COL6A5: variants seen among roughly 807,000 people sequenced by gnomAD.
The protein encoded by COL6A5 is collagen type VI alpha 5 chain.
COL6A5 carries 48 observed loss-of-function variants against 65.6 expected under a neutral mutation model. The ratio of observed to expected loss-of-function variants is 0.73; its 90% CI spans 0.58 to 0.93. The LOEUF is 0.93. Ranked by LOEUF, COL6A5 falls within the 40% of genes least tolerant of loss-of-function variation. The probability of loss-of-function intolerance (pLI) is 0.00; values close to 1 mark genes in which losing one functional copy is unlikely to be tolerated. For synonymous variants in COL6A5, 291 were observed against 322.8 expected (o/e 0.90, Z 1.05); for missense variants, 914 against 928.3 (o/e 0.98, Z 0.20).
In COL6A5 at chr3:130,376,417, A is replaced by G; in HGVS notation, c.248A>G (p.His83Arg). The stretch of plus-strand genomic sequence containing the variant: ...AGCGACGAGTTTCACAGTGAATTCC[A>G]TCTGAGCACCTTCAAAGGCAGAAGC... Residue 83 changes from histidine to arginine, a missense_variant and NMD_transcript_variant, in exon 3 of 42, where the codon CAT (histidine) becomes CGT (arginine). Coordinates refer to the COL6A5 transcript ENST00000312481. The G allele has an allele frequency of 1.2e-6, 2 of 1,613,404 alleles. No individual in the cohort carries two copies. Among genetic ancestry groups the G allele is most frequent in the Non-Finnish European group, 1.7e-6 (2 of 1,179,580 alleles).
intron 22 of COL6A5, among the ~76,000 whole-genome samples, chr3:130,414,382 T>C (rs2107677711): frequency 6.6e-6 from 1 of 152,248 alleles, no homozygotes; most frequent in East Asian, 1.9e-4. Flanking sequence ...TTATTAGTAA[T>C]AGTGAATGAT....
At chr3:130,354,092 AAAG>A (rs752506834) in intron 1 of COL6A5, among the ~76,000 whole-genome samples, 52 of 149,152 alleles carry the variant, frequency 3.5e-4, no homozygotes, top group African/African-American at 8.0e-4. Context: ...CAAAAAAAGA[AAAG>A]AAGAAAGAGA....
At chr3:130,476,232 G>A (rs1483054556) in intron 7 of COL6A5, among the ~76,000 whole-genome samples, 6 of 152,062 alleles carry the variant, frequency 3.9e-5, no homozygotes, top group Non-Finnish European at 7.4e-5. Flanking sequence ...ATGATAGAAA[G>A]AGGATCTTGG....
intron 1 of COL6A5, among the ~76,000 whole-genome samples, chr3:130,437,759 A>T (rs751477884): frequency 1.8e-4 from 27 of 151,936 alleles, no homozygotes; most frequent in Non-Finnish European, 3.4e-4. Flanking sequence ...GCTATTTCCT[A>T]TGCCAGAAAT....
intron 29 of COL6A5, among the ~76,000 whole-genome samples, chr3:130,425,821 T>C (rs1444094025): frequency 6.6e-6 from 1 of 152,194 alleles, no homozygotes; most frequent in East Asian, 1.9e-4. Context: ...GAATTCCCAA[T>C]AAATTACTCT....
chr3:130,440,906 C>G lies in COL6A5; in HGVS notation c.1241+81C>G, dbSNP rs1240984633. 1.2e-5 allele frequency: 12 copies of G among 1,022,498 alleles called. No individual in the cohort carries two copies. The East Asian group carries it at 2.8e-4, about 24-fold the overall frequency. 63.3% of individuals were successfully genotyped at this position (1,022,498 alleles called of 1,614,324 possible). On this transcript the variant is annotated intron_variant, in intron 3 of 7. Transcript: ENST00000512836. ...CAGTATTGATAACCTATTTTTGTAT[C>G]TATAGCTAATCTAAACATAATTTAT...
Position 130,454,968 on chromosome 3 carries a change from C to A in COL6A5, c.1333-487C>A, listed in dbSNP as rs1399038009. Among the ~76,000 whole-genome samples the A allele has an allele frequency of 2.6e-5, 4 of 152,062 alleles. No homozygotes were observed. The South Asian group carries it at 8.3e-4, about 32-fold the overall frequency. ...CTAGCCTGGGCAATACAACAAGAACCAATCTCTACAAAAAATTAAAAATTA... is the reference window on the plus strand; with the variant it reads ...CTAGCCTGGGCAATACAACAAGAACAAATCTCTACAAAAAATTAAAAATTA... On this transcript the variant is annotated intron_variant, in intron 4 of 7. Transcript: ENST00000512836.
In COL6A5 at chr3:130,471,074, TTGTGTGTGTG is replaced by T. The variant is rs34150957; in HGVS notation, c.2328+125_2328+134del. 520 of 553,412 alleles carry T rather than the reference TTGTGTGTGTG, an allele frequency of 9.4e-4. 3 individuals are homozygous for T. Among genetic ancestry groups the T allele is most frequent in the Non-Finnish European group, 4.0e-4 (120 of 298,818 alleles). The allele number at this position is 553,412 out of a possible 1,614,324, so 34.3% of individuals were successfully genotyped here. On this transcript the variant is annotated intron_variant, in intron 7 of 7. Coordinates refer to ENST00000512836, the Ensembl canonical transcript of COL6A5. ...GTTTTCAAGATCCAAGTGTGTGTTT[TTGTGTGTGTG>T]TGTGTGTGTGTGTGTGTTTTAAATG...
Position 130,470,853 on chromosome 3 carries a change from A to C in COL6A5, c.2232-18A>C, listed in dbSNP as rs187295782. 37 of 1,584,866 alleles carry C rather than the reference A, an allele frequency of 2.3e-5. No individual in the cohort carries two copies. The Admixed American group carries it at 5.9e-4, about 25-fold the overall frequency. The stretch of plus-strand genomic sequence containing the variant: ...TAGGTGGGTAAAATTTAGACTAACC[A>C]GCCCACTCTCTCTCCAGGTGCCATC... On this transcript the variant is annotated intron_variant, in intron 6 of 7. Transcript: ENST00000512836.
chr3:130,378,401 A>G (rs1018707518), intron 3 of COL6A5, among the ~76,000 whole-genome samples: 2 of 152,114 alleles, frequency 1.3e-5, no homozygotes, highest in African/African-American at 4.8e-5. Flanking sequence ...TTCTACCTCT[A>G]AGTCATGTAT....
intron 17 of COL6A5, among the ~76,000 whole-genome samples, chr3:130,408,205 G>T (rs1456089932): frequency 7.2e-6 from 1 of 138,726 alleles, no homozygotes; most frequent in African/African-American, 2.7e-5. Context: ...GTGAATAGGA[G>T]AAATATCGCT....
chr3:130,347,687 C>A (rs916990775), intron 1 of COL6A5, among the ~76,000 whole-genome samples: 1 of 152,184 alleles, frequency 6.6e-6, no homozygotes, highest in African/African-American at 2.4e-5. Flanking sequence ...TTCAAATCAT[C>A]TTCCAAAAAG....
intron 27 of COL6A5, 86 bp from the exon 28 acceptor site, chr3:130,422,634 A>G: frequency 2.5e-6 from 2 of 809,378 alleles, no homozygotes; most frequent in East Asian, 5.5e-5. Flanking sequence ...CATAATATCA[A>G]TCAAGTTTGA....
intron 7 of COL6A5, among the ~76,000 whole-genome samples, chr3:130,479,813 A>G (rs1042091678): frequency 6.6e-6 from 1 of 152,128 alleles, no homozygotes; most frequent in Admixed American, 6.6e-5. Context: ...TTTTCCAAAC[A>G]TTTTAGTTTT....
intron 3 of COL6A5, 32 bp from the exon 4 acceptor site, chr3:130,379,386 T>C (rs980739291): frequency 1.3e-6 from 2 of 1,533,142 alleles, no homozygotes; most frequent in African/African-American, 2.8e-5. Flanking sequence ...CAGTGGTTTA[T>C]ACTAATCCTC....
chr3:130,353,366 T>C (rs573830321), intron 1 of COL6A5, among the ~76,000 whole-genome samples: 10 of 152,318 alleles, frequency 6.6e-5, no homozygotes, highest in African/African-American at 2.2e-4. Context: ...GAAAGAAGCA[T>C]TTGTTACGTG....
At position 130,401,224 on chromosome 3, in the gene COL6A5, A is replaced by G. The variant is rs1936804634; in HGVS notation, c.4134+51A>G. The G allele has an allele frequency of 8.3e-5, 122 of 1,470,600 alleles. 2 individuals carry two copies. The South Asian group carries it at 1.6e-3, about 20-fold the overall frequency. The allele number at this position is 1,470,600 out of a possible 1,614,324, so 91.1% of individuals were successfully genotyped here. ...TTGTTCAAAATGCCATGGGAACTAAATTGGAATCTTGATGAGAACTTTCAA... is the reference window on the plus strand; with the variant it reads ...TTGTTCAAAATGCCATGGGAACTAAGTTGGAATCTTGATGAGAACTTTCAA... On this transcript the variant is annotated intron_variant and NMD_transcript_variant, in intron 11 of 41. Coordinates refer to the COL6A5 transcript ENST00000312481.
chr3:130,362,698 A>C (rs986673442), intron 1 of COL6A5, among the ~76,000 whole-genome samples: 3 of 152,170 alleles, frequency 2.0e-5, no homozygotes, highest in African/African-American at 7.2e-5. Context: ...ATTGTGTTAA[A>C]TCTACAGATC....
intron 20 of COL6A5, among the ~76,000 whole-genome samples, chr3:130,410,780 T>C (rs1277126197): frequency 6.6e-6 from 1 of 152,166 alleles, no homozygotes; most frequent in African/African-American, 2.4e-5. Flanking sequence ...CACTGCCCAC[T>C]TGTGACATTC....
Sources: allele counts gnomAD v4.1 joint callset (sites outside exome capture counted in the v4.1 genomes callset), GRCh38; gene constraint gnomAD v4.1.1; transcripts MANE v1.5; gene names NCBI Gene and HGNC (gene_info 2026-07-23, HGNC 2026-07-21).